SPECC1: variants seen among roughly 807,000 people sequenced by gnomAD.
The protein encoded by SPECC1 is sperm antigen with calponin homology and coiled-coil domains 1.
SPECC1 carries 62 observed loss-of-function variants against 104.1 expected under a neutral mutation model. The ratio of observed to expected loss-of-function variants is 0.60; its 90% CI spans 0.49 to 0.74. The LOEUF (loss-of-function observed/expected upper bound fraction) is 0.74, where lower values mean the gene tolerates loss of function less well. Ranked by LOEUF, SPECC1 falls within the 30% of genes least tolerant of loss-of-function variation. The probability of loss-of-function intolerance (pLI) is 0.00; values close to 1 mark genes in which losing one functional copy is unlikely to be tolerated. For missense variants in SPECC1, 1,306 were observed against 1,310.5 expected (o/e 1.00, Z 0.05); for synonymous variants, 513 against 501.6 (o/e 1.02, Z -0.30).
intron 1 of SPECC1, among the ~76,000 whole-genome samples, chr17:20,042,038 C>T (rs1363616421): frequency 6.6e-6 from 1 of 152,134 alleles, no homozygotes; most frequent in African/African-American, 2.4e-5. Flanking sequence ...TGGGATCTTC[C>T]TGACTCTTGG....
intron 3 of SPECC1, among the ~76,000 whole-genome samples, chr17:20,149,986 T>G (rs2031835158): frequency 6.6e-6 from 1 of 152,166 alleles, no homozygotes; most frequent in African/African-American, 2.4e-5. Flanking sequence ...CTTCTTTTTT[T>G]TTCTGAGATG....
intron 2 of SPECC1, among the ~76,000 whole-genome samples, chr17:20,097,223 T>C (rs1390613989): frequency 6.6e-6 from 1 of 152,154 alleles, no homozygotes; most frequent in Non-Finnish European, 1.5e-5. Context: ...TGCGTTCTCC[T>C]CTGGTTTTCT....
chr17:20,096,338 A>C (rs924083181), intron 1 of SPECC1, among the ~76,000 whole-genome samples: 2 of 152,192 alleles, frequency 1.3e-5, no homozygotes, highest in African/African-American at 4.8e-5. Context: ...TACATAGTGT[A>C]TGGGTATTTG....
intron 1 of SPECC1, among the ~76,000 whole-genome samples, chr17:20,055,742 C>G (rs1044689180): frequency 6.6e-6 from 1 of 152,252 alleles, no homozygotes; most frequent in Non-Finnish European, 1.5e-5. Context: ...GTCACTGATG[C>G]TTTCATTGGC....
intron 3 of SPECC1, among the ~76,000 whole-genome samples, chr17:20,118,002 G>A (rs1393091846): frequency 6.6e-6 from 1 of 152,048 alleles, no homozygotes; most frequent in East Asian, 1.9e-4. Context: ...CTAGTTGGGA[G>A]ACAGAGGTGG....
intron 3 of SPECC1, among the ~76,000 whole-genome samples, chr17:20,125,186 CAAAAACA>C (rs1369422253): frequency 8.9e-6 from 1 of 112,346 alleles, no homozygotes; most frequent in Non-Finnish European, 2.0e-5. Flanking sequence ...TCTCAAAAAA[CAAAAACA>C]AAAACAAAAC....
chr17:20,278,971 T>G (rs191824924), intron 12 of SPECC1, among the ~76,000 whole-genome samples: 4 of 152,276 alleles, frequency 2.6e-5, no homozygotes, highest in African/African-American at 9.6e-5. Context: ...GGGCTGTTTG[T>G]CCCCAGCTGA....
intron 1 of SPECC1, among the ~76,000 whole-genome samples, chr17:20,072,003 A>G (rs1350044637): frequency 2.6e-5 from 4 of 152,146 alleles, no homozygotes; most frequent in South Asian, 2.1e-4. Flanking sequence ...TGCTTTTCCC[A>G]TAACTAGTGG....
chr17:20,086,085 C>T (rs759661827), intron 1 of SPECC1, among the ~76,000 whole-genome samples: 4 of 152,214 alleles, frequency 2.6e-5, no homozygotes, highest in Non-Finnish European at 5.9e-5. Context: ...ATGGCTGCTG[C>T]CATCATGTCC....
chr17:20,063,123 T>C (rs1289530249), intron 1 of SPECC1, among the ~76,000 whole-genome samples: 2 of 152,246 alleles, frequency 1.3e-5, no homozygotes, highest in African/African-American at 2.4e-5. Context: ...AATAGTCTTA[T>C]CTCTTCTTAA....
At chr17:20,162,227 G>T (rs942509571) in intron 3 of SPECC1, among the ~76,000 whole-genome samples, 3 of 151,644 alleles carry the variant, frequency 2.0e-5, no homozygotes, top group African/African-American at 4.9e-5. Context: ...CTCACTGCAA[G>T]CTCCACCTCC....
Position 20,110,421 on chromosome 17 carries a change from T to G in SPECC1, c.148-6T>G, listed in dbSNP as rs776949847. 1 of 1,607,284 alleles carries G rather than the reference T, an allele frequency of 6.2e-7. No individual in the cohort carries two copies. The highest frequency in any genetic ancestry group is 1.3e-5 in the African/African-American group (1 of 74,650). ...CATCCTCTCTCTTTCCTTCCAACTC[T>G]CTCAGCTCAAGAGGGCCAGCAGTGA... On this transcript the variant is annotated splice_polypyrimidine_tract_variant and splice_region_variant and intron_variant, in intron 2 of 14. Coordinates refer to ENST00000395527, the MANE Select transcript of SPECC1 (RefSeq NM_001243439.2).
At chr17:20,298,579 A>AGAG (rs2041433223) in intron 13 of SPECC1, among the ~76,000 whole-genome samples, 1 of 152,172 alleles carries the variant, frequency 6.6e-6, no homozygotes, top group African/African-American at 2.4e-5. Flanking sequence ...GCTTCCCCAC[A>AGAG]GCTCTGGTTT....
rs548160366 is a variant in SPECC1, at chr17:20,162,526, TGTG to T, written c.284-41803_284-41801del. Among the ~76,000 whole-genome samples the T allele has an allele frequency of 2.3e-3, 352 of 152,324 alleles. 2 individuals are homozygous for T. The highest frequency in any genetic ancestry group is 4.5e-3 in the Admixed American group (69 of 15,300). ...AATATAACCTACATTGTAGGATTGT[TGTG>T]GTGATTCATAGGTTAAAACATATGA... On this transcript the variant is annotated intron_variant, in intron 3 of 14. Transcript: ENST00000395527.
At position 20,227,629 on chromosome 17, in the gene SPECC1, G is replaced by T; in HGVS notation, c.2071+9G>T. 1 of 1,610,318 alleles carries T rather than the reference G, an allele frequency of 6.2e-7. No individual in the cohort carries two copies. The highest frequency in any genetic ancestry group is 1.7e-5 in the Admixed American group (1 of 58,856). On this transcript the variant is annotated intron_variant, in intron 5 of 14. Coordinates refer to ENST00000395527, the MANE Select transcript of SPECC1 (RefSeq NM_001243439.2). The stretch of plus-strand genomic sequence containing the variant: ...CATCAGTGAGCTAGAAAGTAAGTGG[G>T]GTCTGCCAGGCATGGTGGCTCACAC...
At chr17:20,235,109 T>C (rs2038831327) in intron 7 of SPECC1, among the ~76,000 whole-genome samples, 1 of 152,220 alleles carries the variant, frequency 6.6e-6, no homozygotes, top group South Asian at 2.1e-4. Flanking sequence ...TTTTGAGGTC[T>C]CTTTAAGCTC....
chr17:20,313,650 G>T (rs138277210), intron 14 of SPECC1, among the ~76,000 whole-genome samples: 2 of 152,354 alleles, frequency 1.3e-5, no homozygotes, highest in East Asian at 3.9e-4. Context: ...ATGTAATTTA[G>T]AAACTTGGAA....
intron 13 of SPECC1, among the ~76,000 whole-genome samples, chr17:20,297,526 GT>G (rs1344099963): frequency 6.6e-6 from 1 of 152,124 alleles, no homozygotes; most frequent in Non-Finnish European, 1.5e-5. Context: ...ATATTTGTTT[GT>G]TTTACTACAA....
chr17:20,288,871 C>T (rs532345463), intron 12 of SPECC1, among the ~76,000 whole-genome samples: 163 of 150,784 alleles, frequency 1.1e-3, no homozygotes, highest in Middle Eastern at 6.8e-3. Context: ...GCAACCTCCG[C>T]CCCCCCGGGT....
Sources: allele counts gnomAD v4.1 joint callset (sites outside exome capture counted in the v4.1 genomes callset), GRCh38; gene constraint gnomAD v4.1.1; transcripts MANE v1.5; gene names NCBI Gene and HGNC (gene_info 2026-07-23, HGNC 2026-07-21).